HSD17B11: variants seen among roughly 807,000 people sequenced by gnomAD.
The protein encoded by HSD17B11 is hydroxysteroid 17-beta dehydrogenase 11.
Under a neutral mutation model 27.8 loss-of-function variants are expected in HSD17B11, and 22 were observed. The observed-to-expected ratio is 0.79, with a 90% confidence interval of 0.56 to 1.13. HSD17B11 has a LOEUF of 1.13. HSD17B11 is among the 50% of genes most tolerant of loss of function. HSD17B11 has a pLI of 0.00. For synonymous variants in HSD17B11, 117 were observed against 132.8 expected (o/e 0.88, Z 0.82); for missense variants, 314 against 351.1 (o/e 0.89, Z 0.84).
chr4:87,357,085 T>C (rs1010222698), intron 5 of HSD17B11, among the ~76,000 whole-genome samples, 194 bp downstream of exon 5: 1 of 152,224 alleles, frequency 6.6e-6, no homozygotes, highest in African/African-American at 2.4e-5. Context: ...TATTTACTTT[T>C]TTAGTCACGC....
At chr4:87,384,268 G>A (rs1386850772) in intron 1 of HSD17B11, among the ~76,000 whole-genome samples, 1 of 152,136 alleles carries the variant, frequency 6.6e-6, no homozygotes, top group African/African-American at 2.4e-5. Flanking sequence ...ATCTTCATAA[G>A]CTGAGGATGT....
At chr4:87,370,726 T>C (rs1469545085) in intron 4 of HSD17B11, among the ~76,000 whole-genome samples, 1 of 13,640 alleles carries the variant, frequency 7.3e-5, no homozygotes, top group Non-Finnish European at 1.2e-4. Context: ...CTAGATATTA[T>C]TATTATTATT....
At chr4:87,379,918 T>C (rs1219021786) in intron 2 of HSD17B11, among the ~76,000 whole-genome samples, 2 of 146,588 alleles carry the variant, frequency 1.4e-5, no homozygotes, top group African/African-American at 5.0e-5. Context: ...TATTATATTA[T>C]ATATTTATAT....
intron 6 of HSD17B11, among the ~76,000 whole-genome samples, chr4:87,339,042 T>C (rs1735113197): frequency 6.6e-6 from 1 of 152,170 alleles, no homozygotes; most frequent in African/African-American, 2.4e-5. Context: ...GTCTAGAAAC[T>C]AGAATTAATT....
chr4:87,364,140 G>GT (rs761255189), intron 4 of HSD17B11, among the ~76,000 whole-genome samples: 2 of 146,710 alleles, frequency 1.4e-5, no homozygotes, highest in Non-Finnish European at 3.0e-5. Context: ...AATTATTTTT[G>GT]TTTTTTTGTT....
chr4:87,378,269 C>G (rs2110128171), intron 2 of HSD17B11, among the ~76,000 whole-genome samples: 1 of 152,178 alleles, frequency 6.6e-6, no homozygotes, highest in South Asian at 2.1e-4. Flanking sequence ...CACTCTTGAC[C>G]CTTTCTTCAT....
chr4:87,354,831 G>T (rs1735351851), intron 5 of HSD17B11, among the ~76,000 whole-genome samples: 1 of 151,444 alleles, frequency 6.6e-6, no homozygotes, highest in Non-Finnish European at 1.5e-5. Context: ...ATTGAATCTT[G>T]GCTGGATGCA....
chr4:87,366,083 C>T (rs59107493), intron 4 of HSD17B11: 29,627 of 152,092 alleles, frequency 0.19, 3,798 homozygotes, highest in African/African-American at 0.36. Context: ...CTTGAACTTC[C>T]GACCTCAGGT....
chr4:87,378,441 C>T (rs1719959453), intron 2 of HSD17B11, among the ~76,000 whole-genome samples: 1 of 152,060 alleles, frequency 6.6e-6, no homozygotes, highest in Non-Finnish European at 1.5e-5. Context: ...CAGGGTAAAT[C>T]AGGTATCCAT....
chr4:87,380,053 GT>G (rs1720095857), intron 2 of HSD17B11, among the ~76,000 whole-genome samples: 3 of 137,502 alleles, frequency 2.2e-5, no homozygotes, highest in African/African-American at 1.0e-4. Flanking sequence ...GGAGGTTGCA[GT>G]GAGCCAAGAT....
rs541017896 is a variant in HSD17B11 at position 87,380,059 on chromosome 4, C to G, written c.318+2196G>C. On this transcript the variant is annotated intron_variant, in intron 2 of 6. Coordinates refer to ENST00000358290, the MANE Select transcript of HSD17B11 (RefSeq NM_016245.5). ...CCAGGAGGCGGAGGTTGCAGTGAGC[C>G]AAGATCACGCCACTACACTCCAGCC... Among the ~76,000 whole-genome samples, 138 of 143,412 alleles carry G rather than the reference C, an allele frequency of 9.6e-4. 1 individual carries two copies. The South Asian group carries it at 0.029, about 30-fold the overall frequency. 94.1% of individuals were successfully genotyped at this position (143,412 alleles called of 152,430 possible).
intron 1 of HSD17B11, among the ~76,000 whole-genome samples, chr4:87,389,471 G>A (rs1055616903): frequency 9.9e-5 from 15 of 152,224 alleles, no homozygotes; most frequent in East Asian, 3.9e-4. Flanking sequence ...TCATCTGCCC[G>A]CCTCGGCCTC....
chr4:87,357,949 A>ATTTTTTTTTTTTTTTTTTTTTTTTTT (rs57139706), intron 4 of HSD17B11, among the ~76,000 whole-genome samples: 4 of 80,238 alleles, frequency 5.0e-5, no homozygotes, highest in Non-Finnish European at 7.3e-5. Flanking sequence ...CATTAGAGAA[A>ATTTTTTTTTTTTTTTTTTTTTTTTTT]TTTTTTTTTT....
chr4:87,363,324 T>C (rs1433667733), intron 4 of HSD17B11, among the ~76,000 whole-genome samples: 1 of 152,194 alleles, frequency 6.6e-6, no homozygotes, highest in Non-Finnish European at 1.5e-5. Flanking sequence ...TCAGTGTTTA[T>C]CACCTCTGTA....
chr4:87,361,345 G>C (rs956873661), intron 4 of HSD17B11, among the ~76,000 whole-genome samples: 1 of 152,118 alleles, frequency 6.6e-6, no homozygotes, highest in Non-Finnish European at 1.5e-5. Context: ...TCTAAAAAGA[G>C]GAAGCATGAA....
intron 1 of HSD17B11, among the ~76,000 whole-genome samples, chr4:87,384,365 C>T (rs1418950315): frequency 6.6e-6 from 1 of 152,080 alleles, no homozygotes; most frequent in African/African-American, 2.4e-5. Flanking sequence ...GAAATCAGTG[C>T]ACCTTGAAAA....
At position 87,384,120 on chromosome 4, in the gene HSD17B11, A is replaced by T. The variant is rs944869356; in HGVS notation, c.211-1758T>A. ...AGTTCTTTTTCTCCTGTGGGAAGTC[A>T]GGGACCCCGAATGGAGGGACCGGCT... On this transcript the variant is annotated intron_variant, in intron 1 of 6. Transcript: ENST00000358290. Among the ~76,000 whole-genome samples the T allele has an allele frequency of 2.0e-5, 3 of 152,332 alleles. No individual in the cohort carries two copies. The East Asian group carries it at 5.8e-4, about 29-fold the overall frequency.
intron 1 of HSD17B11, among the ~76,000 whole-genome samples, chr4:87,384,927 T>C (rs1720268018): frequency 6.6e-6 from 1 of 152,120 alleles, no homozygotes; most frequent in African/African-American, 2.4e-5. Context: ...AGGGGCATCA[T>C]GATACGTGAT....
intron 4 of HSD17B11, among the ~76,000 whole-genome samples, chr4:87,359,414 G>A (rs1044378662): frequency 2.0e-5 from 3 of 152,176 alleles, no homozygotes; most frequent in African/African-American, 7.2e-5. Context: ...AGGCTGGAGT[G>A]CAGTGATGCA....
Sources: gnomAD v4.1 joint callset for allele counts (sites outside exome capture counted in the v4.1 genomes callset) on GRCh38, gnomAD v4.1.1 for gene constraint, MANE v1.5 for transcripts, NCBI Gene and HGNC (gene_info 2026-07-23, HGNC 2026-07-21) for gene names.